The following SPMIP11 variants were observed in gnomAD, a reference collection of about 807,000 sequenced individuals.
SPMIP11 encodes the protein long intergenic non-protein coding RNA 935.
At chr12:48,731,092 C>T in the SPMIP11 span, among the ~76,000 whole-genome samples, 2 of 152,206 alleles carry the variant, frequency 1.3e-5, no homozygotes, top group Non-Finnish European at 2.9e-5. Context: ...TGATGCAGGT[C>T]TTTTTCCTGT....
At chr12:48,768,600 G>A in the SPMIP11 span, 1 of 1,614,072 alleles carries the variant, frequency 6.2e-7, no homozygotes, top group Non-Finnish European at 8.5e-7. Context: ...GTTAACTGCT[G>A]GGGCCCCCAT....
chr12:48,729,212 C>T, the SPMIP11 span, among the ~76,000 whole-genome samples: 1 of 151,900 alleles, frequency 6.6e-6, no homozygotes, highest in Non-Finnish European at 1.5e-5. Context: ...CCATCCTGGC[C>T]AACATGGTGA....
the SPMIP11 span, among the ~76,000 whole-genome samples, chr12:48,758,695 C>A: frequency 6.6e-6 from 1 of 152,218 alleles, no homozygotes. Flanking sequence ...CTTCACCCAG[C>A]ACTCGAGGCT....
At chr12:48,760,413 A>C in the SPMIP11 span, among the ~76,000 whole-genome samples, 1 of 149,962 alleles carries the variant, frequency 6.7e-6, no homozygotes, top group African/African-American at 2.5e-5. Context: ...CCCAGGCTCA[A>C]GTGATCCTCC....
chr12:48,740,917 G>A, the SPMIP11 span, among the ~76,000 whole-genome samples: 933 of 151,960 alleles, frequency 6.1e-3, 9 homozygotes, highest in African/African-American at 0.021. Flanking sequence ...ATGAGGTCTC[G>A]CTATGTTGCC....
At chr12:48,736,578 C>T in the SPMIP11 span, among the ~76,000 whole-genome samples, 1 of 152,176 alleles carries the variant, frequency 6.6e-6, no homozygotes, top group South Asian at 2.1e-4. Flanking sequence ...CCATTTTTTC[C>T]CAAACTGCCT....
the SPMIP11 span, among the ~76,000 whole-genome samples, chr12:48,744,467 C>T: frequency 6.6e-6 from 1 of 152,054 alleles, no homozygotes; most frequent in South Asian, 2.1e-4. Flanking sequence ...GGTGCAGTGG[C>T]TCATGCCTGT....
the SPMIP11 span, among the ~76,000 whole-genome samples, chr12:48,736,413 C>CAAA: frequency 3.9e-4 from 28 of 71,684 alleles, no homozygotes; most frequent in East Asian, 6.3e-4. Flanking sequence ...GACTCTGTCT[C>CAAA]AAAAAAAAAA....
At chr12:48,759,765 G>A in the SPMIP11 span, among the ~76,000 whole-genome samples, 30 of 151,810 alleles carry the variant, frequency 2.0e-4, no homozygotes, top group Non-Finnish European at 4.1e-4. Context: ...GAGGAAGAGG[G>A]AGAAAGTAGA....
chr12:48,770,690 C>T, the SPMIP11 span: 2 of 1,462,292 alleles, frequency 1.4e-6, no homozygotes, highest in Non-Finnish European at 1.9e-6. Flanking sequence ...ATCTGTGATC[C>T]CATCCCCAGC....
chr12:48,755,486 T>G, the SPMIP11 span, among the ~76,000 whole-genome samples: 4 of 152,178 alleles, frequency 2.6e-5, no homozygotes, highest in African/African-American at 7.2e-5. Context: ...GCATGATTCT[T>G]TCCAAGCCCT....
the SPMIP11 span, chr12:48,767,573 C>T: frequency 6.6e-6 from 1 of 152,664 alleles, no homozygotes; most frequent in African/African-American, 2.4e-5. Flanking sequence ...ACGGGCCCTC[C>T]CCAACACCAG....
the SPMIP11 span, among the ~76,000 whole-genome samples, chr12:48,729,085 A>G: frequency 1.3e-5 from 2 of 152,226 alleles, no homozygotes. Context: ...TACAGGAGAT[A>G]TGACAATTGA....
the SPMIP11 span, among the ~76,000 whole-genome samples, chr12:48,756,519 A>G: frequency 6.6e-6 from 1 of 152,162 alleles, no homozygotes; most frequent in Admixed American, 6.5e-5. Context: ...TGAATGAGTG[A>G]GGCCAAGCCA....
At chr12:48,760,613 G>C in the SPMIP11 span, among the ~76,000 whole-genome samples, 1 of 151,962 alleles carries the variant, frequency 6.6e-6, no homozygotes, top group African/African-American at 2.4e-5. Flanking sequence ...TGCAACCTCC[G>C]CCTCCCTTGT....
the SPMIP11 span, among the ~76,000 whole-genome samples, chr12:48,757,413 G>A: frequency 2.0e-5 from 3 of 151,806 alleles, no homozygotes; most frequent in Non-Finnish European, 1.5e-5. Flanking sequence ...TTTGGGAGGC[G>A]GAGGCAGGTG....
chr12:48,751,294 A>C, the SPMIP11 span, among the ~76,000 whole-genome samples: 1 of 152,234 alleles, frequency 6.6e-6, no homozygotes, highest in African/African-American at 2.4e-5. Context: ...TGTGGGGAAC[A>C]TACTTTGGTC....
At chr12:48,758,220 C>A in the SPMIP11 span, among the ~76,000 whole-genome samples, 2 of 152,012 alleles carry the variant, frequency 1.3e-5, no homozygotes, top group Non-Finnish European at 2.9e-5. Context: ...TTGGGAAGCA[C>A]GTAAAAGCTG....
the SPMIP11 span, chr12:48,768,753 T>C: frequency 1.2e-6 from 2 of 1,607,824 alleles, no homozygotes; most frequent in Non-Finnish European, 1.7e-6. Flanking sequence ...TAGCCTGGAA[T>C]CCTTCCTGCT....
Sources: gnomAD v4.1 joint callset for allele counts (sites outside exome capture counted in the v4.1 genomes callset) on GRCh38, gnomAD v4.1.1 for gene constraint, MANE v1.5 for transcripts, NCBI Gene and HGNC (gene_info 2026-07-23, HGNC 2026-07-21) for gene names.